CHST9: variants seen among roughly 807,000 people sequenced by gnomAD.
The protein encoded by CHST9 is GalNAc-4-sulfotransferase 2.
In CHST9, 41 loss-of-function variants were observed where a neutral mutation model predicts 44.4. The ratio of observed to expected loss-of-function variants is 0.92; its 90% CI spans 0.72 to 1.20. CHST9 has a LOEUF of 1.20. Among genes scored for constraint, CHST9 ranks in the 50% most tolerant of loss-of-function variants. The pLI, the probability that CHST9 is intolerant of heterozygous loss-of-function variation, is 0.00. For missense variants in CHST9, 504 were observed against 516.5 expected (o/e 0.98, Z 0.23); for synonymous variants, 171 against 178.4 (o/e 0.96, Z 0.33).
At chr18:27,092,191 A>G (rs2058075654) in intron 2 of CHST9, among the ~76,000 whole-genome samples, 1 of 152,168 alleles carries the variant, frequency 6.6e-6, no homozygotes, top group Admixed American at 6.5e-5. Flanking sequence ...TGTGTCCAGG[A>G]ATTTATCCAT....
chr18:27,174,471 G>A (rs757719344), intron 1 of CHST9, among the ~76,000 whole-genome samples: 1 of 151,890 alleles, frequency 6.6e-6, no homozygotes, highest in Non-Finnish European at 1.5e-5. Flanking sequence ...TTCTAGTGAT[G>A]TCAAGTCTGA....
At chr18:27,054,564 A>G (rs1382512772) in intron 2 of CHST9, among the ~76,000 whole-genome samples, 1 of 152,190 alleles carries the variant, frequency 6.6e-6, no homozygotes. Context: ...TATTTTTAAA[A>G]GCTATTTTAG....
chr18:26,948,780 A>C (rs1304003252), intron 4 of CHST9, among the ~76,000 whole-genome samples: 2 of 152,220 alleles, frequency 1.3e-5, no homozygotes, highest in East Asian at 3.8e-4. Context: ...GAATGAAATA[A>C]GAACGAATTT....
At chr18:26,989,668 C>T (rs1472747797) in intron 4 of CHST9, among the ~76,000 whole-genome samples, 1 of 152,212 alleles carries the variant, frequency 6.6e-6, no homozygotes, top group Non-Finnish European at 1.5e-5. Context: ...CTGGCAGCAA[C>T]TCAAATATTC....
intron 4 of CHST9, among the ~76,000 whole-genome samples, chr18:27,013,701 G>A (rs2057113130): frequency 6.6e-6 from 1 of 152,062 alleles, no homozygotes; most frequent in African/African-American, 2.4e-5. Context: ...GTGTTGTTTT[G>A]TATTTAACTT....
rs184697737 is a variant in CHST9 at position 27,089,820 on chromosome 18, T to G, written c.122-41317A>C. 3.4e-3 allele frequency among the ~76,000 whole-genome samples: 504 copies of G among 150,086 alleles called. 1 individual carries two copies. The highest frequency in any genetic ancestry group is 5.5e-3 in the Non-Finnish European group (372 of 67,468). Reference sequence around the variant, plus strand: ...TCTGTTGTTTCCTGACTTTTTTTTTTTTTTTTTTGAGACAGAGTCTTGCTC... The same window carrying G: ...TCTGTTGTTTCCTGACTTTTTTTTTGTTTTTTTTGAGACAGAGTCTTGCTC... On this transcript the variant is annotated intron_variant, in intron 2 of 5. Coordinates refer to ENST00000618847, the MANE Select transcript of CHST9 (RefSeq NM_031422.6).
intron 4 of CHST9, among the ~76,000 whole-genome samples, chr18:27,002,734 AGAT>A (rs1227834488): frequency 2.6e-5 from 4 of 152,194 alleles, no homozygotes; most frequent in Non-Finnish European, 4.4e-5. Flanking sequence ...CCCTATAATA[AGAT>A]GAGGAGCATC....
chr18:27,078,067 C>T (rs1317745763), intron 2 of CHST9, among the ~76,000 whole-genome samples: 1 of 152,178 alleles, frequency 6.6e-6, no homozygotes, highest in Non-Finnish European at 1.5e-5. Flanking sequence ...CCCCATGGTC[C>T]AATCACCTCC....
At chr18:27,095,042 C>G (rs916016851) in intron 2 of CHST9, among the ~76,000 whole-genome samples, 1 of 152,104 alleles carries the variant, frequency 6.6e-6, no homozygotes, top group African/African-American at 2.4e-5. Flanking sequence ...AAAAAATATT[C>G]TTTTGGGGAA....
chr18:27,092,629 G>A (rs1194817180), intron 2 of CHST9, among the ~76,000 whole-genome samples: 3 of 152,154 alleles, frequency 2.0e-5, no homozygotes, highest in Admixed American at 2.0e-4. Context: ...GTGTCCCAGA[G>A]ATTCTGGTAT....
chr18:27,151,318 ATGT>A (rs1239156752), intron 1 of CHST9, among the ~76,000 whole-genome samples: 1 of 152,176 alleles, frequency 6.6e-6, no homozygotes, highest in East Asian at 1.9e-4. Flanking sequence ...ACTTACATAG[ATGT>A]TGTAAAAATA....
At chr18:27,077,098 C>A (rs1382896956) in intron 2 of CHST9, among the ~76,000 whole-genome samples, 1 of 152,066 alleles carries the variant, frequency 6.6e-6, no homozygotes, top group Non-Finnish European at 1.5e-5. Context: ...TTTAACCCAC[C>A]AAGATAGAGT....
intron 2 of CHST9, among the ~76,000 whole-genome samples, chr18:27,093,013 G>A (rs1312316174): frequency 6.6e-6 from 1 of 152,144 alleles, no homozygotes; most frequent in African/African-American, 2.4e-5. Context: ...GTTTGCTGGA[G>A]TTCTATTCCA....
intron 1 of CHST9, among the ~76,000 whole-genome samples, chr18:27,143,795 G>T (rs1419547238): frequency 1.3e-5 from 2 of 152,006 alleles, no homozygotes; most frequent in Admixed American, 1.3e-4. Flanking sequence ...CCTCTTGGGG[G>T]ATGGGGGGCA....
chr18:26,931,636 A>G (rs180956891), intron 5 of CHST9, among the ~76,000 whole-genome samples: 181 of 152,314 alleles, frequency 1.2e-3, no homozygotes, highest in African/African-American at 4.2e-3. Flanking sequence ...ACGGGCAAGG[A>G]AAGTCCATTT....
rs2055514811 is a variant in CHST9 at position 26,916,084 on chromosome 18, G to T, written c.*175C>A. 3 of 526,884 alleles carry T rather than the reference G, an allele frequency of 5.7e-6. No homozygotes were observed. In the East Asian group the frequency reaches 9.6e-5, roughly 17 times the overall value. The allele number at this position is 526,884 out of a possible 1,614,324, so 32.6% of individuals were successfully genotyped here. ...CAAGTTGTTTACATCTCCTGTAGGT[G>T]ATTTTCCTATAACTTTGTGCCAATT... On this transcript the variant is annotated 3_prime_UTR_variant, in exon 6 of 6. Transcript: ENST00000618847.
chr18:26,908,733 A>G lies in CHST9; in HGVS notation c.*7526T>C, dbSNP rs1425367540. 1 of 152,234 alleles carries G rather than the reference A, an allele frequency of 6.6e-6. No homozygotes were observed. The highest frequency in any genetic ancestry group is 1.5e-5 in the Non-Finnish European group (1 of 68,044). 9.4% of individuals were successfully genotyped at this position (152,234 alleles called of 1,614,324 possible). The stretch of plus-strand genomic sequence containing the variant: ...TGTCAGAGTCAGTCAAATGTTGGCA[A>G]TGTCATATGGTTCAACCTAATAGAA... On this transcript the variant is annotated 3_prime_UTR_variant, in exon 6 of 6. Transcript: ENST00000618847.
rs1328351159 is a variant in CHST9, at chr18:27,039,482, G to A, written c.160+8983C>T. Among the ~76,000 whole-genome samples, 7 of 152,094 alleles carry A rather than the reference G, an allele frequency of 4.6e-5. No homozygotes were observed. The South Asian group carries it at 6.2e-4, about 14-fold the overall frequency. On this transcript the variant is annotated intron_variant, in intron 3 of 5. Transcript: ENST00000618847. ...ATTTATTGAGACAGACAGTGAAATCGTGCTTGCCAGGGACAGAGGGATGGA... is the reference window on the plus strand; with the variant it reads ...ATTTATTGAGACAGACAGTGAAATCATGCTTGCCAGGGACAGAGGGATGGA...
At chr18:27,035,799 T>C (rs1400744358) in intron 3 of CHST9, among the ~76,000 whole-genome samples, 1 of 152,132 alleles carries the variant, frequency 6.6e-6, no homozygotes, top group African/African-American at 2.4e-5. Context: ...AGAGCTCCAA[T>C]GTAGAGCATG....
Sources: allele counts gnomAD v4.1 joint callset (sites outside exome capture counted in the v4.1 genomes callset), GRCh38; gene constraint gnomAD v4.1.1; transcripts MANE v1.5; gene names NCBI Gene and HGNC (gene_info 2026-07-23, HGNC 2026-07-21).